NUP210: variants seen among roughly 807,000 people sequenced by gnomAD.
NUP210 encodes the protein nuclear pore membrane glycoprotein 210.
In NUP210, 151 loss-of-function variants were observed where a neutral mutation model predicts 196.0. The ratio of observed to expected loss-of-function variants is 0.77; its 90% CI spans 0.67 to 0.88. The LOEUF (loss-of-function observed/expected upper bound fraction) is 0.88, where lower values mean the gene tolerates loss of function less well. Among genes scored for constraint, NUP210 ranks in the 40% least tolerant of loss-of-function variants. The pLI is 0.00. For synonymous variants in NUP210, 1,070 were observed against 1,052.7 expected, an observed-to-expected ratio of 1.02 and a Z score of -0.32; for missense variants, 2,314 against 2,493.7, an observed-to-expected ratio of 0.93 and a Z score of 1.53.
At chr3:13,322,940 T>C (rs927995325) in intron 34 of NUP210, among the ~76,000 whole-genome samples, 2 of 152,190 alleles carry the variant, frequency 1.3e-5, no homozygotes, top group African/African-American at 4.8e-5. Context: ...ATGCATGACC[T>C]GGGAGAGGTC....
At chr3:13,319,421 C>T (rs1576335849) in intron 37 of NUP210, 96 bp from the exon 38 acceptor site, 2 of 1,029,200 alleles carry the variant, frequency 1.9e-6, no homozygotes, top group Non-Finnish European at 1.5e-6. Context: ...GGGCAGTCCA[C>T]AGGTCCCTCT....
intron 28 of NUP210, among the ~76,000 whole-genome samples, chr3:13,333,139 A>G (rs893376661): frequency 6.6e-6 from 1 of 152,190 alleles, no homozygotes; most frequent in African/African-American, 2.4e-5. Context: ...CAGCCTCATG[A>G]GGTCGGCTCA....
At chr3:13,373,355 C>T (rs1161875154) in intron 12 of NUP210, among the ~76,000 whole-genome samples, 4 of 152,208 alleles carry the variant, frequency 2.6e-5, no homozygotes, top group Admixed American at 6.5e-5. Flanking sequence ...CCTGGTCTCT[C>T]GGAGCCTGGT....
At chr3:13,343,371 C>T in intron 20 of NUP210, 68 bp from the exon 21 acceptor site, 2 of 1,565,202 alleles carry the variant, frequency 1.3e-6, no homozygotes, top group Admixed American at 1.9e-5. Flanking sequence ...CCCCTCTGCT[C>T]AGGTTTGTGA....
At chr3:13,398,134 A>G (rs1699724735) in intron 2 of NUP210, among the ~76,000 whole-genome samples, 1 of 152,242 alleles carries the variant, frequency 6.6e-6, no homozygotes, top group South Asian at 2.1e-4. Context: ...CCATGTATCA[A>G]AAGCCTTAAA....
chr3:13,330,322 T>C (rs750171114), intron 30 of NUP210, 138 bp downstream of exon 30: 3 of 780,860 alleles, frequency 3.8e-6, no homozygotes, highest in Non-Finnish European at 6.3e-6. Flanking sequence ...CCTAGGACCT[T>C]TGCCCCTGAG....
intron 12 of NUP210, 116 bp downstream of exon 12, chr3:13,373,602 A>C: frequency 9.7e-7 from 1 of 1,036,114 alleles, no homozygotes; most frequent in Non-Finnish European, 1.4e-6. Context: ...TTGAGCTCCT[A>C]AGTACAGGAC....
intron 8 of NUP210, 67 bp downstream of exon 8, chr3:13,378,845 C>CT: frequency 8.3e-7 from 1 of 1,199,360 alleles, no homozygotes; most frequent in Admixed American, 1.7e-5. Flanking sequence ...TGCTTCTTTT[C>CT]TATTTTTTAA....
chr3:13,386,212 T>C (rs1362155270), intron 6 of NUP210, 63 bp downstream of exon 6: 4 of 1,570,418 alleles, frequency 2.5e-6, no homozygotes, highest in African/African-American at 1.4e-5. Context: ...GTTACATGTA[T>C]GTAACCACAA....
At chr3:13,351,504 AG>A (rs773858592) in intron 20 of NUP210, among the ~76,000 whole-genome samples, 3 of 152,128 alleles carry the variant, frequency 2.0e-5, no homozygotes, top group Non-Finnish European at 4.4e-5. Context: ...TTTTGGAGAC[AG>A]GGTCTGGGTT....
Position 13,323,357 on chromosome 3 carries a change from C to T in NUP210, c.4720G>A (p.Ala1574Thr). Reference protein sequence around the residue: ...PIQTSFQEATASKVIVAVGDR... With the variant: ...PIQTSFQEATTSKVIVAVGDR... ...CCCACGGCAACAATCACTTTGGAGG[C>T]TGTAGCCTCCTGGAAGCTGGTCTGG... Residue 1574 changes from alanine (A) to threonine (T), a missense_variant, in exon 34 of 40, where the codon GCC becomes ACC. Physicochemically the swap from Ala to Thr is moderately conservative, Grantham distance 58. Transcript: ENST00000254508. The surrounding 1 kb of genome is among the most constrained non-coding windows in gnomAD (Gnocchi z 4.3). 1.2e-6 allele frequency: 2 copies of T among 1,614,162 alleles called. No individual in the cohort carries two copies. The highest frequency in any genetic ancestry group is 1.7e-6 in the Non-Finnish European group (2 of 1,180,002).
Position 13,391,264 on chromosome 3 carries a change from C to T in NUP210, c.480G>A (p.Thr160=), listed in dbSNP as rs760532143. 37 of 1,612,220 alleles carry T rather than the reference C, an allele frequency of 2.3e-5. No individual in the cohort carries two copies. In the Admixed American group the frequency reaches 4.5e-4, roughly 20 times the overall value. ...STLAGLVFEW[T]IVKDSEADRF... is the part of the protein sequence containing the mutation. ...TGTCCGCCTCGGAGTCCTTCACAAT[C>T]GTCCACTCGAAGACCAGTCCAGCCA... The change falls in exon 4 of 40, where the codon ACG becomes ACA. Residue 160 remains threonine, a synonymous_variant. Transcript: ENST00000254508.
intron 15 of NUP210, among the ~76,000 whole-genome samples, chr3:13,358,840 C>G (rs768308807): frequency 1.3e-5 from 2 of 152,230 alleles, no homozygotes; most frequent in African/African-American, 2.4e-5. Context: ...GATAGGAGCT[C>G]TGCAGGACAA....
intron 11 of NUP210, 49 bp downstream of exon 11, chr3:13,375,455 C>T: frequency 1.3e-6 from 2 of 1,559,262 alleles, no homozygotes; most frequent in Non-Finnish European, 8.7e-7. Flanking sequence ...AGCCACAATC[C>T]CATGAAAACA....
chr3:13,369,992 G>T (rs1432124549), intron 13 of NUP210, among the ~76,000 whole-genome samples: 1 of 152,224 alleles, frequency 6.6e-6, no homozygotes, highest in African/African-American at 2.4e-5. Context: ...AGCCTGGGAG[G>T]TGGCAGAGGG....
intron 4 of NUP210, among the ~76,000 whole-genome samples, chr3:13,390,723 T>C (rs946794737): frequency 5.3e-5 from 8 of 152,228 alleles, no homozygotes. Flanking sequence ...CGCAAGCTCA[T>C]GTGGCTGCCA....
At position 13,340,427 on chromosome 3, in the gene NUP210, C is replaced by CTGCT; in HGVS notation, c.3229-130_3229-129insAGCA. 1.3e-6 allele frequency: 1 copy of CTGCT among 795,084 alleles called. No individual in the cohort carries two copies. Among genetic ancestry groups the CTGCT allele is most frequent in the Non-Finnish European group, 2.1e-6 (1 of 479,766 alleles). The allele number at this position is 795,084 out of a possible 1,614,324, so 49.3% of individuals were successfully genotyped here. On this transcript the variant is annotated intron_variant, in intron 23 of 39. Transcript: ENST00000254508. This position sits in a 1 kb window ranked among gnomAD's most constrained non-coding sequence, Gnocchi z 4.0. The stretch of plus-strand genomic sequence containing the variant: ...GACATCACTTCTCTCTGAGCAGTGA[C>CTGCT]CAGAGGGCCCAGGGTCCTGGGCCAA...
At chr3:13,391,156 G>T in intron 4 of NUP210, 55 bp downstream of exon 4, 1 of 1,270,212 alleles carries the variant, frequency 7.9e-7, no homozygotes, top group Non-Finnish European at 1.1e-6. Flanking sequence ...GCTCACAGGT[G>T]TCCCCCTTTC....
chr3:13,378,824 T>G, intron 8 of NUP210, 88 bp downstream of exon 8: 1 of 997,886 alleles, frequency 1.0e-6, no homozygotes, highest in Non-Finnish European at 1.6e-6. Context: ...AAGCATTTTC[T>G]GTGGAGCTAT....
Sources: allele counts gnomAD v4.1 joint callset (sites outside exome capture counted in the v4.1 genomes callset), GRCh38; gene constraint gnomAD v4.1.1; non-coding constraint Gnocchi (gnomAD v3.1); transcripts MANE v1.5; gene names NCBI Gene and HGNC (gene_info 2026-07-23, HGNC 2026-07-21).